Variants in URI1 observed in about 807,000 individuals in gnomAD.
URI1 encodes URI1 prefoldin like chaperone, also known as unconventional prefoldin RPB5 interactor 1.
A neutral mutation model predicts 60.2 loss-of-function variants in URI1; 39 were observed. That is an observed-to-expected ratio of 0.65 (90% CI 0.50 to 0.85). URI1 has a LOEUF of 0.85. URI1 is among the 40% of genes least tolerant of loss of function. URI1 has a pLI of 0.00. For missense variants in URI1, 691 were observed against 665.9 expected (o/e 1.04, Z -0.42); for synonymous variants, 251 against 236.8 (o/e 1.06, Z -0.55).
At chr19:29,931,548 A>T (rs886488495) in intron 1 of URI1, among the ~76,000 whole-genome samples, 2 of 152,152 alleles carry the variant, frequency 1.3e-5, no homozygotes, top group African/African-American at 4.8e-5. Flanking sequence ...AAACAGTCCC[A>T]TTGGTGGTTA....
chr19:29,941,685 A>G (rs1017998172), upstream of URI1, among the ~76,000 whole-genome samples: 4 of 152,118 alleles, frequency 2.6e-5, no homozygotes, highest in Admixed American at 2.6e-4. Flanking sequence ...TTCTTAGTCC[A>G]TTCATAGCAG....
chr19:29,932,207 G>A (rs1016876928), intron 1 of URI1, among the ~76,000 whole-genome samples: 6 of 151,946 alleles, frequency 3.9e-5, no homozygotes, highest in Non-Finnish European at 7.4e-5. Context: ...TCCTAATAAC[G>A]TTGAAGAGGT....
intron 2 of URI1, among the ~76,000 whole-genome samples, chr19:29,973,055 AAATT>A (rs2055478271): frequency 6.6e-6 from 1 of 152,152 alleles, no homozygotes; most frequent in African/African-American, 2.4e-5. Context: ...AATGGCCAGT[AAATT>A]AATCAATTCA....
intron 2 of URI1, 117 bp from the exon 3 acceptor site, chr19:29,985,106 C>T (rs1268384586): frequency 1.3e-5 from 12 of 900,194 alleles, no homozygotes; most frequent in African/African-American, 2.1e-5. Flanking sequence ...GGCGACGGAG[C>T]GACACTCTGT....
intron 6 of URI1, among the ~76,000 whole-genome samples, chr19:30,007,159 C>T (rs182281292): frequency 1.1e-4 from 17 of 152,162 alleles, no homozygotes; most frequent in African/African-American, 4.1e-4. Flanking sequence ...CTTCTCACAA[C>T]CTTGAATGTG....
chr19:29,996,540 T>C (rs1460722646), intron 4 of URI1, among the ~76,000 whole-genome samples: 21 of 152,042 alleles, frequency 1.4e-4, no homozygotes, highest in Admixed American at 1.3e-3. Context: ...TAAGATTGTA[T>C]CATATGTTGG....
chr19:29,956,177 C>A (rs574123996), intron 1 of URI1, among the ~76,000 whole-genome samples: 2 of 143,356 alleles, frequency 1.4e-5, no homozygotes, highest in South Asian at 4.2e-4. Flanking sequence ...TAGAGATGAG[C>A]GCCATGTTGG....
At chr19:29,949,931 C>T (rs1025457181) in intron 1 of URI1, among the ~76,000 whole-genome samples, 7 of 137,484 alleles carry the variant, frequency 5.1e-5, no homozygotes, top group Middle Eastern at 7.1e-3. Context: ...TGTGGGGAGA[C>T]GGGAGGGGGA....
At chr19:30,014,164 C>G (rs2056057222) in intron 10 of URI1, 1 of 151,960 alleles carries the variant, frequency 6.6e-6, no homozygotes, top group African/African-American at 2.4e-5. Context: ...TATGCACATT[C>G]TTTAATTCTG....
upstream of URI1, among the ~76,000 whole-genome samples, chr19:29,937,461 T>G (rs558607258): frequency 6.6e-6 from 1 of 152,214 alleles, no homozygotes; most frequent in Non-Finnish European, 1.5e-5. Flanking sequence ...GCACTTGGCA[T>G]TTTGGGTATT....
intron 1 of URI1, among the ~76,000 whole-genome samples, chr19:29,945,590 C>T (rs1220453889): frequency 1.3e-5 from 2 of 152,146 alleles, no homozygotes; most frequent in East Asian, 1.9e-4. Flanking sequence ...GTTAGAACTT[C>T]GGTTTGTTTC....
rs146547421 is a variant in URI1, at chr19:29,987,894, G to A, written c.367+1477G>A. ...TGTTACAATAAATTCTGGGCCGGGC[G>A]CAGGGGCTCATGCCTGTAATCCCAG... is the stretch of plus-strand genomic sequence containing the variant. On this transcript the variant is annotated intron_variant, in intron 4 of 10. Transcript: ENST00000392271. Among the ~76,000 whole-genome samples, 80 of 152,204 alleles carry A rather than the reference G, an allele frequency of 5.3e-4. 1 individual carries two copies. The highest frequency in any genetic ancestry group is 1.8e-3 in the African/African-American group (75 of 41,526).
chr19:29,988,838 T>C (rs1399073359), intron 4 of URI1, among the ~76,000 whole-genome samples: 3 of 152,218 alleles, frequency 2.0e-5, no homozygotes, highest in Admixed American at 2.0e-4. Context: ...AAATGTATGT[T>C]CAATTTTTAA....
In URI1 at chr19:30,016,288, C is replaced by CAATT. The variant is rs2056084680; in HGVS notation, c.*1220_*1221insATTA. On this transcript the variant is annotated 3_prime_UTR_variant, in exon 11 of 11. Coordinates refer to ENST00000392271, the MANE Select transcript of URI1 (RefSeq NM_003796.3). ...TTTTAATGACAAGGGGGCGAGCTTG[C>CAATT]ATCCCCACTAGTTAATGGATAATTC... is the stretch of plus-strand genomic sequence containing the variant. 1 of 152,114 alleles carries CAATT rather than the reference C, an allele frequency of 6.6e-6. No homozygotes were observed. The highest frequency in any genetic ancestry group is 1.5e-5 in the Non-Finnish European group (1 of 67,962). 9.4% of individuals were successfully genotyped at this position (152,114 alleles called of 1,614,324 possible). A position where few individuals can be genotyped will look rare whatever the true frequency, so the allele number is the denominator to read the frequency against.
chr19:29,932,704 T>A (rs1599647253), intron 1 of URI1, among the ~76,000 whole-genome samples: 1 of 147,624 alleles, frequency 6.8e-6, no homozygotes, highest in East Asian at 2.0e-4. Context: ...CGGGCTGGAG[T>A]GCAGTGGCAC....
intron 4 of URI1, among the ~76,000 whole-genome samples, chr19:29,986,688 G>A (rs2055674806): frequency 6.6e-6 from 1 of 152,170 alleles, no homozygotes; most frequent in Non-Finnish European, 1.5e-5. Flanking sequence ...GTAGTTAGAA[G>A]TTGGGAAGAC....
chr19:29,937,513 G>C (rs575596019), upstream of URI1: 80 of 152,284 alleles, frequency 5.3e-4, no homozygotes, highest in African/African-American at 1.8e-3. Flanking sequence ...CCTCTTCAGG[G>C]ATTGCTGATT....
chr19:29,998,324 C>G (rs1406180972), intron 4 of URI1, among the ~76,000 whole-genome samples: 1 of 152,068 alleles, frequency 6.6e-6, no homozygotes, highest in African/African-American at 2.4e-5. Context: ...GTGGAGGTTT[C>G]TATATATGTC....
intron 2 of URI1, among the ~76,000 whole-genome samples, chr19:29,977,844 A>AT (rs980792032): frequency 1.3e-5 from 2 of 151,952 alleles, no homozygotes; most frequent in African/African-American, 4.8e-5. Flanking sequence ...TGTTTAAAGA[A>AT]TTTTTTTTAA....
Sources: allele counts gnomAD v4.1 joint callset (sites outside exome capture counted in the v4.1 genomes callset), GRCh38; gene constraint gnomAD v4.1.1; transcripts MANE v1.5; gene names NCBI Gene and HGNC (gene_info 2026-07-23, HGNC 2026-07-21).